Variants in SLC38A11 observed in about 807,000 individuals in gnomAD.
SLC38A11 encodes the protein solute carrier family 38 member 11.
In SLC38A11, 51 loss-of-function variants were observed where a neutral mutation model predicts 49.4. That is an observed-to-expected ratio of 1.03 (90% CI 0.83 to 1.30). The LOEUF is 1.30. Among genes scored for constraint, SLC38A11 ranks in the 50% most tolerant of loss-of-function variants. The pLI, the probability that SLC38A11 is intolerant of heterozygous loss-of-function variation, is 0.00. For synonymous variants in SLC38A11, 203 were observed against 192.9 expected (o/e 1.05, Z -0.43); for missense variants, 574 against 556.2 (o/e 1.03, Z -0.32).
At position 164,896,039 on chromosome 2, in the gene SLC38A11, T is replaced by G. The variant is rs1354156423; in HGVS notation, c.*2398A>C. On this transcript the variant is annotated 3_prime_UTR_variant, in exon 12 of 12. Coordinates refer to ENST00000685975, the MANE Select transcript of SLC38A11 (RefSeq NM_001351537.2). ...AACTGGTTTAAAACCTTCAAGTTGC[T>G]TTGTTAGGGGCAACAAGTGGCAGGG... is the stretch of plus-strand genomic sequence containing the variant. 6.6e-6 allele frequency: 1 copy of G among 152,184 alleles called. No homozygotes were observed. The highest frequency in any genetic ancestry group is 1.5e-5 in the Non-Finnish European group (1 of 68,036). The allele number at this position is 152,184 out of a possible 1,614,324, so 9.4% of individuals were successfully genotyped here. A position where few individuals can be genotyped will look rare whatever the true frequency, so the allele number is the denominator to read the frequency against.
At chr2:164,943,124 A>G (rs2105507160) in intron 5 of SLC38A11, among the ~76,000 whole-genome samples, 1 of 152,324 alleles carries the variant, frequency 6.6e-6, no homozygotes, top group East Asian at 1.9e-4. Context: ...CTCAACTGTA[A>G]TAGCAACCAT....
chr2:164,897,140 A>G lies in SLC38A11; in HGVS notation c.*1297T>C, dbSNP rs183720880. 6.6e-6 allele frequency: 1 copy of G among 152,266 alleles called. No homozygotes were observed. Among genetic ancestry groups the G allele is most frequent in the African/African-American group, 2.4e-5 (1 of 41,554 alleles). 9.4% of individuals were successfully genotyped at this position (152,266 alleles called of 1,614,324 possible). ...ACAAAGACACAAAGTCCTCATTAAA[A>G]AATCATTTAAAAATCCTCAGTAAAC... On this transcript the variant is annotated 3_prime_UTR_variant, in exon 12 of 12. Coordinates refer to ENST00000685975, the MANE Select transcript of SLC38A11 (RefSeq NM_001351537.2).
At chr2:164,954,533 C>CT (rs937826351) in intron 2 of SLC38A11, 98 bp downstream of exon 2, 2 of 533,134 alleles carry the variant, frequency 3.8e-6, no homozygotes, top group Non-Finnish European at 6.4e-6. Context: ...TTATTTAAGT[C>CT]TTTTTTTCTT....
At chr2:164,952,531 G>C (rs1347717743) in intron 3 of SLC38A11, among the ~76,000 whole-genome samples, 176 bp downstream of exon 3, 4 of 152,128 alleles carry the variant, frequency 2.6e-5, no homozygotes, top group Admixed American at 1.3e-4. Context: ...CTGTTTAAAG[G>C]ATTAGTAAGA....
Position 164,896,612 on chromosome 2 carries a change from T to C in SLC38A11, c.*1825A>G, listed in dbSNP as rs1684381725. The C allele has an allele frequency of 6.6e-6, 1 of 152,108 alleles. No individual in the cohort carries two copies. Among genetic ancestry groups the C allele is most frequent in the African/African-American group, 2.4e-5 (1 of 41,422 alleles). The allele number at this position is 152,108 out of a possible 1,614,324, so 9.4% of individuals were successfully genotyped here. ...TATTTTACCTAAACATGTACCAATC[T>C]AAAAACAGGCACAAACTGCTTAGCC... On this transcript the variant is annotated 3_prime_UTR_variant, in exon 12 of 12. Coordinates refer to ENST00000685975, the MANE Select transcript of SLC38A11 (RefSeq NM_001351537.2).
In SLC38A11 at chr2:164,937,402, T is replaced by C. The variant is rs77858556; in HGVS notation, c.565A>G (p.Thr189Ala). ...GCCATTACAATTCCAAGAATCAGAG[T>C]TGTTAAACCTGTAGAGATGAGGGAG... ...KVSLISTGLT[T>A]LILGIVMARA... The change falls in exon 7 of 12, where the codon ACT (threonine) becomes GCT (alanine). Residue 189 changes from threonine (T) to alanine (A), a missense_variant. Coordinates refer to ENST00000685975, the MANE Select transcript of SLC38A11 (RefSeq NM_001351537.2). 2.3e-3 allele frequency: 3,678 copies of C among 1,611,304 alleles called. 146 individuals are homozygous for C. The East Asian group carries it at 0.061, about 27-fold the overall frequency.
chr2:164,939,459 C>A lies in SLC38A11; in HGVS notation c.528G>T (p.Lys176Asn). 1.2e-6 allele frequency: 2 copies of A among 1,603,512 alleles called. No homozygotes were observed. The change falls in exon 6 of 12, where the codon AAG becomes AAT. Residue 176 changes from lysine (K) to asparagine (N), a missense_variant. By Grantham distance (94) the Lys-to-Asn change is moderately conservative (BLOSUM62 0). Coordinates refer to ENST00000685975, the MANE Select transcript of SLC38A11 (RefSeq NM_001351537.2). Reference protein sequence around the residue: ...LPLSLYRNIAKLGKVSLISTG... With the variant: ...LPLSLYRNIANLGKVSLISTG... ...AAAATGTAAAAATTACCTTTCCAAG[C>A]TTTGCTATATTTCGGTACAAGGATA... is the stretch of plus-strand genomic sequence containing the variant.
chr2:164,954,993 A>T (rs1035786284), intron 1 of SLC38A11, among the ~76,000 whole-genome samples: 19 of 151,802 alleles, frequency 1.3e-4, no homozygotes, highest in Admixed American at 1.1e-3. Context: ...TAAGTACAGG[A>T]TCTGTTAGGA....
intron 7 of SLC38A11, among the ~76,000 whole-genome samples, chr2:164,924,062 A>G (rs964595279): frequency 6.6e-6 from 1 of 152,176 alleles, no homozygotes; most frequent in Non-Finnish European, 1.5e-5. Context: ...CGTAAAATCA[A>G]CCTAGGTGCC....
rs1685401698 is a variant in SLC38A11, at chr2:164,911,557, G to C, written c.963+79C>G. The C allele has an allele frequency of 5.9e-6, 4 of 673,984 alleles. No individual in the cohort carries two copies. In the Admixed American group the frequency reaches 9.8e-5, roughly 16 times the overall value. 41.8% of individuals were successfully genotyped at this position (673,984 alleles called of 1,614,324 possible). A position where few individuals can be genotyped will look rare whatever the true frequency, so the allele number is the denominator to read the frequency against. On this transcript the variant is annotated intron_variant, in intron 10 of 11. Coordinates refer to ENST00000685975, the MANE Select transcript of SLC38A11 (RefSeq NM_001351537.2). ...CATGCCCTTGGGAATTTGCCAAACT[G>C]TATTATTTATAAATCTTCCTAAATT...
At chr2:164,931,241 C>CA (rs71028455) in intron 7 of SLC38A11, among the ~76,000 whole-genome samples, 6,296 of 74,850 alleles carry the variant, frequency 0.084, 292 homozygotes, top group African/African-American at 0.14. Context: ...TGATCCCCCA[C>CA]AAAAAAAAAA....
At chr2:164,933,290 A>T (rs1044846977) in intron 7 of SLC38A11, among the ~76,000 whole-genome samples, 1 of 152,068 alleles carries the variant, frequency 6.6e-6, no homozygotes, top group African/African-American at 2.4e-5. Context: ...GTTAGAAAAA[A>T]ATTGGGAGAA....
intron 7 of SLC38A11, among the ~76,000 whole-genome samples, chr2:164,920,335 A>C (rs1306178973): frequency 6.6e-6 from 1 of 152,088 alleles, no homozygotes; most frequent in Non-Finnish European, 1.5e-5. Flanking sequence ...TAAGGCAGAA[A>C]ATATATTTTA....
chr2:164,909,711 G>T (rs913546069), intron 10 of SLC38A11, among the ~76,000 whole-genome samples: 1 of 151,908 alleles, frequency 6.6e-6, no homozygotes, highest in Non-Finnish European at 1.5e-5. Context: ...GGAGGATAAA[G>T]AGAAGATAGT....
At chr2:164,913,166 C>T (rs1461465406) in intron 9 of SLC38A11, among the ~76,000 whole-genome samples, 3 of 151,690 alleles carry the variant, frequency 2.0e-5, no homozygotes, top group Admixed American at 1.3e-4. Flanking sequence ...TGGCTCTCAC[C>T]CCTCCCCCCA....
At chr2:164,913,077 A>G (rs1395438996) in intron 9 of SLC38A11, among the ~76,000 whole-genome samples, 1 of 152,034 alleles carries the variant, frequency 6.6e-6, no homozygotes, top group Non-Finnish European at 1.5e-5. Flanking sequence ...AAGAAAAGCT[A>G]TAATACCTCT....
chr2:164,944,957 C>T (rs774846542), intron 4 of SLC38A11, among the ~76,000 whole-genome samples: 1 of 152,030 alleles, frequency 6.6e-6, no homozygotes, highest in South Asian at 2.1e-4. Flanking sequence ...TTCAGGAACA[C>T]GTGTGCTGCA....
chr2:164,939,881 C>T (rs1687632640), intron 5 of SLC38A11, among the ~76,000 whole-genome samples: 1 of 151,826 alleles, frequency 6.6e-6, no homozygotes, highest in African/African-American at 2.4e-5. Context: ...CCAGAAACTA[C>T]AGAATTCCTT....
chr2:164,933,272 T>C (rs893514333), intron 7 of SLC38A11, among the ~76,000 whole-genome samples: 3 of 152,092 alleles, frequency 2.0e-5, no homozygotes, highest in Admixed American at 6.6e-5. Context: ...ATAATGCCTC[T>C]GATTCTAGTT....
Sources: allele counts gnomAD v4.1 joint callset (sites outside exome capture counted in the v4.1 genomes callset), GRCh38; gene constraint gnomAD v4.1.1; transcripts MANE v1.5; gene names NCBI Gene and HGNC (gene_info 2026-07-23, HGNC 2026-07-21).